The following JPH3 variants were observed in gnomAD, a reference collection of about 807,000 sequenced individuals.
JPH3 encodes the protein junctophilin 3, also known as junctophilin-3.
Under a neutral mutation model 59.6 loss-of-function variants are expected in JPH3, and 11 were observed. The observed-to-expected ratio is 0.18, with a 90% CI of 0.12 to 0.31. The LOEUF (loss-of-function observed/expected upper bound fraction) is 0.31, where lower values mean the gene tolerates loss of function less well. Ranked by LOEUF, JPH3 falls within the 10% of genes least tolerant of loss-of-function variation. JPH3 has a pLI of 1.00. For synonymous variants in JPH3, 673 were observed against 483.6 expected, an observed-to-expected ratio of 1.39 and a Z score of -5.14; for missense variants, 1,202 against 1,105.7, an observed-to-expected ratio of 1.09 and a Z score of -1.24.
chr16:87,632,568 T>G (rs1051628039), intron 1 of JPH3, among the ~76,000 whole-genome samples: 1 of 152,190 alleles, frequency 6.6e-6, no homozygotes, highest in African/African-American at 2.4e-5. Flanking sequence ...GCAGCTGGAC[T>G]ACAGGTGTGC....
chr16:87,662,618 C>T (rs890472326), intron 2 of JPH3, among the ~76,000 whole-genome samples: 1 of 152,334 alleles, frequency 6.6e-6, no homozygotes, highest in Admixed American at 6.5e-5. Context: ...CTGGTGGCCC[C>T]TCCAGAGTCT....
intron 3 of JPH3, among the ~76,000 whole-genome samples, chr16:87,685,978 AG>A (rs1459580034): frequency 3.9e-5 from 6 of 152,160 alleles, no homozygotes; most frequent in Non-Finnish European, 5.9e-5. Context: ...GGTGAGTCCT[AG>A]ATCCACGCGG....
chr16:87,618,338 T>A (rs2031049621), intron 1 of JPH3, among the ~76,000 whole-genome samples: 1 of 151,122 alleles, frequency 6.6e-6, no homozygotes. Context: ...GGGCAGCAGC[T>A]GGGGGAGGAG....
At chr16:87,635,941 C>T (rs891144477) in intron 1 of JPH3, among the ~76,000 whole-genome samples, 2 of 152,238 alleles carry the variant, frequency 1.3e-5, no homozygotes, top group African/African-American at 4.8e-5. Flanking sequence ...ACCCACCTTC[C>T]TCTGGGGTGT....
At chr16:87,604,321 CTGCTGCTGT>C in intron 1 of JPH3, 2 of 1,461,650 alleles carry the variant, frequency 1.4e-6, no homozygotes, top group South Asian at 1.2e-5. Context: ...GCTGCTGCTG[CTGCTGCTGT>C]AAGATGGTTT....
At chr16:87,637,899 T>G (rs529768548) in intron 1 of JPH3, among the ~76,000 whole-genome samples, 20 of 152,024 alleles carry the variant, frequency 1.3e-4, no homozygotes, top group Non-Finnish European at 2.6e-4. Context: ...AGCAGTGCTG[T>G]TTTGTGTTTT....
At chr16:87,604,625 C>G in intron 1 of JPH3, 2 of 1,197,098 alleles carry the variant, frequency 1.7e-6, no homozygotes, top group East Asian at 5.6e-5. Flanking sequence ...AAATCCTGAG[C>G]GTACGTGTGC....
rs751969456 is a variant in JPH3, at chr16:87,603,525, G to A, written c.379G>A (p.Gly127Arg). 2.1e-5 allele frequency: 33 copies of A among 1,547,946 alleles called. No homozygotes were observed. The East Asian group carries it at 2.7e-4, about 13-fold the overall frequency. ...CTACGGGACCGAGACCTACTCGGAC[G>A]GAGGTAGGTGCCGCGGGCCGGGCCG... ...DGYGTETYSD[G>R]GTYQGQWVGG... Residue 127 changes from glycine (G) to arginine (R), a missense_variant, in exon 1 of 5, where the codon GGA becomes AGA. By Grantham distance (125) the Gly-to-Arg change is moderately radical. Transcript: ENST00000284262.
At chr16:87,696,552 C>T in intron 4 of JPH3, 28 bp from the exon 5 acceptor site, 1 of 1,603,866 alleles carries the variant, frequency 6.2e-7, no homozygotes, top group Non-Finnish European at 8.5e-7. Flanking sequence ...GCAGCTGTCG[C>T]TCACCTCTTC....
At chr16:87,641,743 G>A (rs1032717962) in intron 1 of JPH3, among the ~76,000 whole-genome samples, 6 of 152,248 alleles carry the variant, frequency 3.9e-5, no homozygotes, top group East Asian at 1.9e-4. Flanking sequence ...GGCTCTGTCC[G>A]GGGCTGCAGC....
At chr16:87,646,090 G>C (rs894848207) in intron 2 of JPH3, among the ~76,000 whole-genome samples, 1 of 152,178 alleles carries the variant, frequency 6.6e-6, no homozygotes, top group Non-Finnish European at 1.5e-5. Flanking sequence ...GCTTCCCAGG[G>C]CACGTTCCCC....
Position 87,696,648 on chromosome 16 carries a change from CT to C in JPH3, c.2240del (p.Phe747SerfsTer8). The part of the protein sequence containing the change: ...NIGVAILFIN[F>X]FI ...TCGGAGTCGCCATTCTGTTTATTAACTTTTTCATCTGATGAGATGTCGCGGT... is the reference window on the plus strand; with the variant it reads ...TCGGAGTCGCCATTCTGTTTATTAACTTTTCATCTGATGAGATGTCGCGGT... On this transcript the variant is annotated frameshift_variant, in exon 5 of 5. Transcript: ENST00000284262. LOFTEE classifies it high-confidence loss of function. The C allele has an allele frequency of 6.2e-7, 1 of 1,612,844 alleles. No individual in the cohort carries two copies. The highest frequency in any genetic ancestry group is 8.5e-7 in the Non-Finnish European group (1 of 1,179,210).
chr16:87,628,021 G>A (rs371801938), intron 1 of JPH3, among the ~76,000 whole-genome samples: 3 of 152,238 alleles, frequency 2.0e-5, no homozygotes, highest in Non-Finnish European at 4.4e-5. Context: ...GTCTGGCAGG[G>A]GCAGGACTGG....
intron 4 of JPH3, among the ~76,000 whole-genome samples, chr16:87,691,981 A>T (rs1207774164): frequency 6.6e-6 from 1 of 152,156 alleles, no homozygotes; most frequent in South Asian, 2.1e-4. Context: ...CCTGGGGGTC[A>T]ATGCACAAGC....
chr16:87,623,477 G>T (rs143521021), intron 1 of JPH3, among the ~76,000 whole-genome samples: 28 of 152,344 alleles, frequency 1.8e-4, no homozygotes, highest in African/African-American at 6.5e-4. Context: ...CAGAGTCACC[G>T]ATGTGGCCAG....
chr16:87,696,858 A>C lies in JPH3; in HGVS notation c.*198A>C, dbSNP rs1391528673. The C allele has an allele frequency of 1.7e-6, 1 of 590,430 alleles. No individual in the cohort carries two copies. The highest frequency in any genetic ancestry group is 3.0e-6 in the Non-Finnish European group (1 of 329,600). The allele number at this position is 590,430 out of a possible 1,614,324, so 36.6% of individuals were successfully genotyped here. ...GTAATGTTTTTTGGATTTTAGCCAA[A>C]ATTCTTTGCTTGTATAACACTCTGC... On this transcript the variant is annotated 3_prime_UTR_variant, in exon 5 of 5. Coordinates refer to ENST00000284262, the MANE Select transcript of JPH3 (RefSeq NM_020655.4).
intron 1 of JPH3, among the ~76,000 whole-genome samples, chr16:87,636,695 T>A (rs558607193): frequency 6.6e-6 from 1 of 152,304 alleles, no homozygotes; most frequent in Non-Finnish European, 1.5e-5. Context: ...ATCAGAGCTA[T>A]GTTCCCACCA....
At chr16:87,647,384 C>G (rs980728985) in intron 2 of JPH3, among the ~76,000 whole-genome samples, 1 of 151,998 alleles carries the variant, frequency 6.6e-6, no homozygotes. Context: ...GACAGAAGGA[C>G]AGACAGACGG....
chr16:87,695,243 A>C (rs1394491343), intron 4 of JPH3: 4 of 450,402 alleles, frequency 8.9e-6, no homozygotes, highest in African/African-American at 6.0e-5. Flanking sequence ...TGAGCTACTC[A>C]GTCTTAACAG....
Sources: gnomAD v4.1 joint callset for allele counts (sites outside exome capture counted in the v4.1 genomes callset) on GRCh38, gnomAD v4.1.1 for gene constraint, MANE v1.5 for transcripts, NCBI Gene and HGNC (gene_info 2026-07-23, HGNC 2026-07-21) for gene names.